Variants in CACNA2D3 observed in about 807,000 individuals in gnomAD.
CACNA2D3 encodes the protein calcium voltage-gated channel auxiliary subunit alpha2delta 3.
A neutral mutation model predicts 160.6 loss-of-function variants in CACNA2D3; 60 were observed. The observed-to-expected ratio is 0.37, with a 90% CI of 0.30 to 0.46. CACNA2D3 has a LOEUF of 0.46. Among genes scored for constraint, CACNA2D3 ranks in the 20% least tolerant of loss-of-function variants. CACNA2D3 has a pLI of 1.00. For missense variants in CACNA2D3, 1,205 were observed against 1,365.0 expected, an observed-to-expected ratio of 0.88 and a Z score of 1.85; for synonymous variants, 558 against 492.9, an observed-to-expected ratio of 1.13 and a Z score of -1.75.
intron 10 of CACNA2D3, chr3:54,638,257 A>G (rs985795245): frequency 6.6e-6 from 1 of 152,020 alleles, no homozygotes; most frequent in African/African-American, 2.4e-5. Context: ...GGTTGCTGCC[A>G]AACGAGCCAT....
intron 5 of CACNA2D3, among the ~76,000 whole-genome samples, chr3:54,562,500 G>C (rs1575347352): frequency 6.6e-6 from 1 of 152,226 alleles, no homozygotes; most frequent in Non-Finnish European, 1.5e-5. Flanking sequence ...TCTTAAAGAG[G>C]ATTATGTGAT....
intron 2 of CACNA2D3, among the ~76,000 whole-genome samples, chr3:54,288,842 T>A (rs944036661): frequency 1.3e-5 from 2 of 152,186 alleles, no homozygotes; most frequent in African/African-American, 4.8e-5. Context: ...TCTCAATAGA[T>A]GCAGAAAAGG....
intron 26 of CACNA2D3, 77 bp downstream of exon 26, chr3:54,896,947 G>A: frequency 1.3e-6 from 2 of 1,586,760 alleles, no homozygotes; most frequent in Non-Finnish European, 1.7e-6. Context: ...GTGTTGGGGA[G>A]CTGCCTGAAT....
At chr3:54,284,420 T>C (rs968061252) in intron 2 of CACNA2D3, among the ~76,000 whole-genome samples, 3 of 151,996 alleles carry the variant, frequency 2.0e-5, no homozygotes, top group African/African-American at 4.8e-5. Context: ...GTATTTGTTA[T>C]ATTGACAAAT....
chr3:54,452,183 G>A (rs1158626842), intron 4 of CACNA2D3, among the ~76,000 whole-genome samples: 1 of 152,186 alleles, frequency 6.6e-6, no homozygotes, highest in Non-Finnish European at 1.5e-5. Flanking sequence ...CAGCATGGCT[G>A]GAGAGGCCTC....
chr3:55,036,613 G>T (rs113980322), intron 35 of CACNA2D3, among the ~76,000 whole-genome samples: 10,077 of 151,600 alleles, frequency 0.066, 1,122 homozygotes, highest in African/African-American at 0.23. Context: ...GATTACAGGC[G>T]TGTGCCACCA....
At chr3:54,282,995 G>A (rs1226772098) in intron 2 of CACNA2D3, among the ~76,000 whole-genome samples, 1 of 152,124 alleles carries the variant, frequency 6.6e-6, no homozygotes, top group Non-Finnish European at 1.5e-5. Context: ...TTATTCTTGA[G>A]GGTACATTTC....
intron 34 of CACNA2D3, among the ~76,000 whole-genome samples, chr3:55,013,626 T>G (rs1703259442): frequency 6.6e-6 from 1 of 152,174 alleles, no homozygotes; most frequent in African/African-American, 2.4e-5. Flanking sequence ...TTGTTTTAGC[T>G]AAAAATGGAA....
intron 2 of CACNA2D3, among the ~76,000 whole-genome samples, chr3:54,311,908 C>T (rs1408942137): frequency 6.6e-6 from 1 of 152,094 alleles, no homozygotes; most frequent in East Asian, 1.9e-4. Context: ...GAATTTATCT[C>T]TTGCACTGTG....
At chr3:54,289,323 T>G (rs1265365147) in intron 2 of CACNA2D3, among the ~76,000 whole-genome samples, 14 of 151,942 alleles carry the variant, frequency 9.2e-5, no homozygotes, top group East Asian at 3.9e-4. Flanking sequence ...TCAAAGAGAA[T>G]AAAATACCTA....
chr3:54,768,215 A>G (rs1190328419), intron 13 of CACNA2D3, among the ~76,000 whole-genome samples: 1 of 152,194 alleles, frequency 6.6e-6, no homozygotes, highest in Non-Finnish European at 1.5e-5. Context: ...CTGTCTTAGT[A>G]TACTATATAT....
chr3:54,211,829 T>C (rs186805218), intron 2 of CACNA2D3, among the ~76,000 whole-genome samples: 17 of 152,326 alleles, frequency 1.1e-4, no homozygotes, highest in African/African-American at 3.6e-4. Context: ...AAATATATTA[T>C]AAAATGTAAC....
At chr3:55,064,917 T>A (rs1230903767) in intron 35 of CACNA2D3, among the ~76,000 whole-genome samples, 3 of 152,108 alleles carry the variant, frequency 2.0e-5, no homozygotes, top group Non-Finnish European at 4.4e-5. Flanking sequence ...GGGCAAGCTT[T>A]AGGGACCTGA....
intron 10 of CACNA2D3, among the ~76,000 whole-genome samples, chr3:54,631,421 C>T (rs143269051): frequency 0.019 from 2,867 of 152,222 alleles, 47 homozygotes; most frequent in Middle Eastern, 0.048. Flanking sequence ...GAAGCTTTGT[C>T]TATTAATATT....
At chr3:54,231,287 G>A (rs1452185232) in intron 2 of CACNA2D3, among the ~76,000 whole-genome samples, 1 of 152,152 alleles carries the variant, frequency 6.6e-6, no homozygotes, top group Non-Finnish European at 1.5e-5. Flanking sequence ...TCTTAAGCAG[G>A]AGTTACAAAG....
chr3:54,813,584 G>A (rs1042991220), intron 13 of CACNA2D3, among the ~76,000 whole-genome samples: 12 of 152,052 alleles, frequency 7.9e-5, no homozygotes, highest in African/African-American at 7.2e-5. Context: ...CAGTTACCCC[G>A]ATTATCTTTC....
intron 4 of CACNA2D3, among the ~76,000 whole-genome samples, chr3:54,410,037 T>C (rs1354138055): frequency 6.6e-6 from 1 of 152,204 alleles, no homozygotes; most frequent in African/African-American, 2.4e-5. Flanking sequence ...GAAGATGCTA[T>C]CTAGGATTCT....
chr3:54,984,879 G>T (rs1196460664), intron 30 of CACNA2D3, among the ~76,000 whole-genome samples: 1 of 152,166 alleles, frequency 6.6e-6, no homozygotes. Context: ...CCACTGGGGG[G>T]TGCAGGGGGG....
intron 4 of CACNA2D3, among the ~76,000 whole-genome samples, chr3:54,477,616 T>A (rs375021736): frequency 6.6e-6 from 1 of 152,112 alleles, no homozygotes; most frequent in Non-Finnish European, 1.5e-5. Context: ...ACCTGTCCAT[T>A]TCTCTCCACC....
Sources: gnomAD v4.1 joint callset for allele counts (sites outside exome capture counted in the v4.1 genomes callset) on GRCh38, gnomAD v4.1.1 for gene constraint, MANE v1.5 for transcripts, NCBI Gene and HGNC (gene_info 2026-07-23, HGNC 2026-07-21) for gene names.